PHACTR1: variants seen among roughly 807,000 people sequenced by gnomAD.
PHACTR1 encodes the protein phosphatase and actin regulator 1, also known as RPEL repeat containing 1.
In PHACTR1, 16 loss-of-function variants were observed where a neutral mutation model predicts 69.2. The observed-to-expected ratio is 0.23, with a 90% CI of 0.16 to 0.35. The LOEUF is 0.35. Ranked by LOEUF, PHACTR1 falls within the 10% of genes least tolerant of loss-of-function variation. PHACTR1 has a pLI of 1.00. For synonymous variants in PHACTR1, 312 were observed against 284.5 expected (o/e 1.10, Z -0.97); for missense variants, 510 against 734.7 (o/e 0.69, Z 3.54).
chr6:13,208,966 C>T (rs1766368434), intron 8 of PHACTR1, among the ~76,000 whole-genome samples: 1 of 152,144 alleles, frequency 6.6e-6, no homozygotes, highest in Non-Finnish European at 1.5e-5. Context: ...GTCATTTCCT[C>T]CTTCTTTCTC....
chr6:13,249,309 A>G (rs1452604984), intron 10 of PHACTR1, among the ~76,000 whole-genome samples: 1 of 152,042 alleles, frequency 6.6e-6, no homozygotes, highest in Non-Finnish European at 1.5e-5. Flanking sequence ...ATGAGACTCT[A>G]ACTTACGCCT....
chr6:13,134,297 C>T (rs1313734986), intron 5 of PHACTR1, among the ~76,000 whole-genome samples: 2 of 152,246 alleles, frequency 1.3e-5, no homozygotes, highest in African/African-American at 2.4e-5. Context: ...GAAGTGTACC[C>T]AGCAGCTCAT....
intron 12 of PHACTR1, among the ~76,000 whole-genome samples, chr6:13,281,707 A>T (rs1780286456): frequency 6.6e-6 from 1 of 152,226 alleles, no homozygotes; most frequent in Admixed American, 6.5e-5. Context: ...ATGTATTTTA[A>T]TTATAGCACA....
At chr6:13,114,416 G>C (rs2127919154) in intron 5 of PHACTR1, among the ~76,000 whole-genome samples, 1 of 152,198 alleles carries the variant, frequency 6.6e-6, no homozygotes, top group East Asian at 1.9e-4. Context: ...TGTCTGACTT[G>C]ATCTGCAGCA....
rs1775711298 is a variant in PHACTR1, at chr6:13,260,139, A to G, written c.1392-12721A>G. On this transcript the variant is annotated intron_variant, in intron 10 of 14. Coordinates refer to ENST00000332995, the MANE Select transcript of PHACTR1 (RefSeq NM_030948.6). ...CCAGCTGCTGTACTAAGTACTAAGA[A>G]CACAGAGATAAATAAGATGTAATTG... 3.3e-5 allele frequency among the ~76,000 whole-genome samples: 5 copies of G among 152,322 alleles called. No individual in the cohort carries two copies. The South Asian group carries it at 1.0e-3, about 32-fold the overall frequency.
chr6:12,972,629 CCTTT>C (rs66541500), intron 4 of PHACTR1, among the ~76,000 whole-genome samples: 87,925 of 118,492 alleles, frequency 0.74, 32,083 homozygotes, highest in East Asian at 0.91. Flanking sequence ...CACTCTAACT[CCTTT>C]CTTTCTTTCT....
intron 7 of PHACTR1, among the ~76,000 whole-genome samples, chr6:13,187,771 C>T (rs1450907549): frequency 6.6e-6 from 1 of 152,150 alleles, no homozygotes; most frequent in East Asian, 1.9e-4. Context: ...ATACCCTGAG[C>T]CACGGATACC....
chr6:12,992,948 G>T (rs1038337059), intron 4 of PHACTR1, among the ~76,000 whole-genome samples: 12 of 152,162 alleles, frequency 7.9e-5, no homozygotes, highest in African/African-American at 2.9e-4. Flanking sequence ...TTATGCAAAT[G>T]GGTTCTTTAC....
chr6:12,784,565 A>G (rs138820707), intron 4 of PHACTR1, among the ~76,000 whole-genome samples: 88 of 151,536 alleles, frequency 5.8e-4, no homozygotes, highest in Non-Finnish European at 1.1e-3. Context: ...ATCTATACAC[A>G]TATACATGAT....
At chr6:13,134,795 TAA>T (rs35318262) in intron 5 of PHACTR1, among the ~76,000 whole-genome samples, 15,876 of 109,446 alleles carry the variant, frequency 0.15, 1,028 homozygotes, top group African/African-American at 0.19. Context: ...CAATAAATAC[TAA>T]AAAAAAAAAA....
At chr6:12,783,957 CATG>C (rs1400674528) in intron 4 of PHACTR1, among the ~76,000 whole-genome samples, 1 of 152,100 alleles carries the variant, frequency 6.6e-6, no homozygotes, top group Admixed American at 6.5e-5. Flanking sequence ...CACACATATA[CATG>C]ATGATATATA....
chr6:13,141,493 C>T (rs917297602), intron 5 of PHACTR1, among the ~76,000 whole-genome samples: 10 of 152,144 alleles, frequency 6.6e-5, no homozygotes, highest in Admixed American at 2.0e-4. Flanking sequence ...TAAAAATACT[C>T]GTCAAAAACA....
intron 5 of PHACTR1, among the ~76,000 whole-genome samples, chr6:13,091,695 C>G (rs541225222): frequency 6.6e-6 from 1 of 152,298 alleles, no homozygotes; most frequent in East Asian, 1.9e-4. Flanking sequence ...CAACTAGTCA[C>G]TCCCATCTGG....
At chr6:12,804,478 A>G (rs1263874659) in intron 4 of PHACTR1, among the ~76,000 whole-genome samples, 1 of 152,238 alleles carries the variant, frequency 6.6e-6, no homozygotes, top group Non-Finnish European at 1.5e-5. Context: ...GGCTGGTCCC[A>G]TTACAGAATG....
chr6:12,918,510 C>T (rs762431907), intron 4 of PHACTR1, among the ~76,000 whole-genome samples: 8 of 152,182 alleles, frequency 5.3e-5, no homozygotes, highest in Non-Finnish European at 1.2e-4. Context: ...CTTCTGTTGT[C>T]GTACATAAAA....
At chr6:13,012,348 G>A (rs1280533076) in intron 4 of PHACTR1, among the ~76,000 whole-genome samples, 1 of 152,156 alleles carries the variant, frequency 6.6e-6, no homozygotes, top group Non-Finnish European at 1.5e-5. Flanking sequence ...TTGGAGGAGA[G>A]ACTAGCAAAG....
intron 4 of PHACTR1, among the ~76,000 whole-genome samples, chr6:12,763,215 AAACAAC>A (rs71701647): frequency 0.27 from 39,854 of 149,972 alleles, 6,026 homozygotes; most frequent in Non-Finnish European, 0.35. Context: ...TCCGTCTCAA[AAACAAC>A]AACAACAACA....
At chr6:12,902,551 G>C (rs957735899) in intron 4 of PHACTR1, among the ~76,000 whole-genome samples, 1 of 152,088 alleles carries the variant, frequency 6.6e-6, no homozygotes, top group Non-Finnish European at 1.5e-5. Context: ...ATCTCCTCGG[G>C]TAAACATAGT....
chr6:12,903,715 T>G (rs1335496116), intron 4 of PHACTR1, among the ~76,000 whole-genome samples: 2 of 152,218 alleles, frequency 1.3e-5, no homozygotes, highest in Non-Finnish European at 2.9e-5. Context: ...GCCCTTGAGA[T>G]CATATAAAAA....
Sources: allele counts gnomAD v4.1 joint callset (sites outside exome capture counted in the v4.1 genomes callset), GRCh38; gene constraint gnomAD v4.1.1; transcripts MANE v1.5; gene names NCBI Gene and HGNC (gene_info 2026-07-23, HGNC 2026-07-21).